HIVEP3: variants seen among roughly 807,000 people sequenced by gnomAD.
HIVEP3 encodes the protein transcription factor HIVEP3.
Under a neutral mutation model 152.8 loss-of-function variants are expected in HIVEP3, and 49 were observed. The observed-to-expected ratio is 0.32, with a 90% CI of 0.26 to 0.41. The LOEUF is 0.41. Ranked by LOEUF, HIVEP3 falls within the 10% of genes least tolerant of loss-of-function variation. The pLI is 1.00. For missense variants in HIVEP3, 2,790 were observed against 3,103.3 expected, an observed-to-expected ratio of 0.90 and a Z score of 2.40; for synonymous variants, 1,269 against 1,289.0, an observed-to-expected ratio of 0.98 and a Z score of 0.33.
chr1:41,586,601 G>A (rs762778316), intron 3 of HIVEP3, among the ~76,000 whole-genome samples: 1 of 152,142 alleles, frequency 6.6e-6, no homozygotes, highest in African/African-American at 2.4e-5. Flanking sequence ...CACACTCTTC[G>A]TTTCACTAGG....
chr1:41,869,086 G>A (rs1405992135), intron 1 of HIVEP3, among the ~76,000 whole-genome samples: 1 of 152,120 alleles, frequency 6.6e-6, no homozygotes, highest in Non-Finnish European at 1.5e-5. Context: ...TCCTGTTCAT[G>A]TCTACACCCT....
At chr1:42,014,501 AC>A (rs1461301123) in intron 1 of HIVEP3, among the ~76,000 whole-genome samples, 3 of 152,170 alleles carry the variant, frequency 2.0e-5, no homozygotes, top group African/African-American at 7.2e-5. Flanking sequence ...ACAACAGAGC[AC>A]AAATAAAGCT....
At chr1:41,520,467 C>T (rs767909615) in intron 6 of HIVEP3, among the ~76,000 whole-genome samples, 4 of 152,176 alleles carry the variant, frequency 2.6e-5, no homozygotes, top group Non-Finnish European at 4.4e-5. Flanking sequence ...TTGTGGACTT[C>T]GGCCCTCATT....
At chr1:41,905,459 C>T (rs1644695292) in intron 1 of HIVEP3, among the ~76,000 whole-genome samples, 1 of 152,154 alleles carries the variant, frequency 6.6e-6, no homozygotes, top group African/African-American at 2.4e-5. Flanking sequence ...GTGTGCATTC[C>T]AGACCCTGAT....
chr1:42,018,696 G>T (rs4660596), intron 1 of HIVEP3, among the ~76,000 whole-genome samples: 48,120 of 151,858 alleles, frequency 0.32, 9,433 homozygotes, highest in Non-Finnish European at 0.44. Context: ...TCTGCCTACA[G>T]GCAGGATATA....
At chr1:41,990,814 G>T (rs1317942483) in intron 1 of HIVEP3, among the ~76,000 whole-genome samples, 53 of 122,424 alleles carry the variant, frequency 4.3e-4, no homozygotes, top group African/African-American at 1.3e-3. Context: ...TCAGACCACA[G>T]TGCAATCAAA....
At chr1:41,564,596 C>A (rs1644132817) in intron 5 of HIVEP3, among the ~76,000 whole-genome samples, 1 of 152,036 alleles carries the variant, frequency 6.6e-6, no homozygotes, top group Non-Finnish European at 1.5e-5. Context: ...TAAGAGCAAC[C>A]CAGGAAGTTA....
chr1:42,020,824 G>A (rs564032915), intron 1 of HIVEP3, among the ~76,000 whole-genome samples: 1 of 152,288 alleles, frequency 6.6e-6, no homozygotes, highest in South Asian at 2.1e-4. Flanking sequence ...TGGGGAGGTG[G>A]AAAGGAAAGG....
At chr1:41,984,030 G>A (rs1170022313) in intron 1 of HIVEP3, among the ~76,000 whole-genome samples, 1 of 152,198 alleles carries the variant, frequency 6.6e-6, no homozygotes, top group Non-Finnish European at 1.5e-5. Flanking sequence ...GGAGTGCAAT[G>A]GCACAATCTT....
intron 1 of HIVEP3, among the ~76,000 whole-genome samples, chr1:41,771,124 T>G (rs751619160): frequency 1.8e-4 from 27 of 152,318 alleles, no homozygotes; most frequent in Non-Finnish European, 2.8e-4. Context: ...AACAGACTCC[T>G]GGGGTGGGAG....
chr1:42,013,934 G>A (rs1413869493), intron 1 of HIVEP3, among the ~76,000 whole-genome samples: 3 of 152,064 alleles, frequency 2.0e-5, no homozygotes, highest in East Asian at 1.9e-4. Context: ...CAGCTTTTAC[G>A]AGGAAGAAAA....
intron 5 of HIVEP3, among the ~76,000 whole-genome samples, chr1:41,564,957 C>T (rs1451444298): frequency 4.6e-5 from 7 of 152,282 alleles, no homozygotes; most frequent in Admixed American, 3.9e-4. Context: ...CAGGAGCCAC[C>T]AGACAACTCA....
chr1:41,555,260 T>C (rs1279319063), intron 5 of HIVEP3, among the ~76,000 whole-genome samples: 1 of 152,226 alleles, frequency 6.6e-6, no homozygotes, highest in Non-Finnish European at 1.5e-5. Context: ...GACTGCTGCA[T>C]TAGCAGTGAG....
At chr1:41,801,700 C>G (rs1033426369) in intron 1 of HIVEP3, among the ~76,000 whole-genome samples, 1 of 151,470 alleles carries the variant, frequency 6.6e-6, no homozygotes, top group South Asian at 2.1e-4. Flanking sequence ...GCCGAGATCT[C>G]GCCACTGCAC....
intron 1 of HIVEP3, among the ~76,000 whole-genome samples, chr1:41,987,307 A>G (rs1313823354): frequency 6.6e-6 from 1 of 152,248 alleles, no homozygotes; most frequent in Non-Finnish European, 1.5e-5. Context: ...CCACCATGGC[A>G]TATGTATACC....
intron 1 of HIVEP3, among the ~76,000 whole-genome samples, chr1:41,757,920 C>T (rs1318131425): frequency 6.6e-6 from 1 of 152,080 alleles, no homozygotes; most frequent in Non-Finnish European, 1.5e-5. Context: ...CCACATTTGT[C>T]AGGCTGGTCT....
chr1:41,663,951 G>A (rs1327737382), intron 2 of HIVEP3, among the ~76,000 whole-genome samples: 1 of 152,118 alleles, frequency 6.6e-6, no homozygotes, highest in Non-Finnish European at 1.5e-5. Flanking sequence ...TTCCTGATCT[G>A]GCATGCAAGG....
chr1:41,842,828 A>C (rs1035297187), intron 1 of HIVEP3, among the ~76,000 whole-genome samples: 1 of 152,162 alleles, frequency 6.6e-6, no homozygotes, highest in Non-Finnish European at 1.5e-5. Context: ...TCAGAAAGGC[A>C]CTAAGGCCAG....
chr1:41,928,680 C>T (rs571860316), intron 1 of HIVEP3, among the ~76,000 whole-genome samples: 12 of 152,228 alleles, frequency 7.9e-5, no homozygotes, highest in African/African-American at 2.6e-4. Context: ...TCTTTCTTGC[C>T]CTTGACCCTT....
Sources: gnomAD v4.1 joint callset for allele counts (sites outside exome capture counted in the v4.1 genomes callset) on GRCh38, gnomAD v4.1.1 for gene constraint, MANE v1.5 for transcripts, NCBI Gene and HGNC (gene_info 2026-07-23, HGNC 2026-07-21) for gene names.